Variants in DLG4 observed in about 807,000 individuals in gnomAD.
DLG4 encodes the protein discs large MAGUK scaffold protein 4.
A neutral mutation model predicts 93.8 loss-of-function variants in DLG4; 7 were observed. The observed-to-expected ratio is 0.07, with a 90% CI of 0.04 to 0.14. The LOEUF is 0.14. Among genes scored for constraint, DLG4 ranks in the 10% least tolerant of loss-of-function variants. The pLI, the probability that DLG4 is intolerant of heterozygous loss-of-function variation, is 1.00. For missense variants in DLG4, 545 were observed against 992.9 expected, an observed-to-expected ratio of 0.55 and a Z score of 6.06; for synonymous variants, 341 against 387.6, an observed-to-expected ratio of 0.88 and a Z score of 1.41.
upstream of DLG4, chr17:7,219,815 G>A (rs755170147): frequency 3.3e-6 from 5 of 1,530,720 alleles, no homozygotes; most frequent in Admixed American, 4.0e-5. Context: ...GCGGAACGCA[G>A]GGCCGGGCTC....
chr17:7,209,315 G>C (rs1387234087), intron 1 of DLG4, among the ~76,000 whole-genome samples: 2 of 152,212 alleles, frequency 1.3e-5, no homozygotes, highest in African/African-American at 4.8e-5. Context: ...GAAGAAGACA[G>C]CGTTTCTGCC....
At chr17:7,216,284 G>A (rs1300355425) in intron 1 of DLG4, among the ~76,000 whole-genome samples, 3 of 151,962 alleles carry the variant, frequency 2.0e-5, no homozygotes, top group Non-Finnish European at 4.4e-5. Context: ...GAGGAGATGG[G>A]GATATTGGGC....
At chr17:7,211,482 T>C (rs934590390) in intron 1 of DLG4, among the ~76,000 whole-genome samples, 1 of 148,020 alleles carries the variant, frequency 6.8e-6, no homozygotes, top group African/African-American at 2.5e-5. Context: ...AACATAGGGG[T>C]GTGAGTCAAA....
upstream of DLG4, chr17:7,218,856 C>T (rs776152957): frequency 4.3e-6 from 7 of 1,613,670 alleles, no homozygotes; most frequent in Admixed American, 3.3e-5. Flanking sequence ...ACATCTCTCT[C>T]TTCTCTCACT....
At chr17:7,213,059 G>A (rs1362694904) in intron 1 of DLG4, among the ~76,000 whole-genome samples, 1 of 147,392 alleles carries the variant, frequency 6.8e-6, no homozygotes, top group Non-Finnish European at 1.5e-5. Context: ...TTAATTAAAA[G>A]TATTTTCCTT....
chr17:7,201,868 C>T (rs1429145771), intron 8 of DLG4, among the ~76,000 whole-genome samples: 1 of 151,886 alleles, frequency 6.6e-6, no homozygotes, highest in Non-Finnish European at 1.5e-5. Flanking sequence ...GCAAGAAGAG[C>T]GAAACTCCAT....
At chr17:7,200,945 C>T (rs778102296) in intron 8 of DLG4, among the ~76,000 whole-genome samples, 9 of 150,878 alleles carry the variant, frequency 6.0e-5, no homozygotes, top group Non-Finnish European at 1.3e-4. Context: ...CTGCAAGCTC[C>T]GCCTCCCAGG....
upstream of DLG4, chr17:7,219,615 C>T: frequency 8.4e-7 from 1 of 1,189,414 alleles, no homozygotes; most frequent in African/African-American, 1.6e-5. Context: ...CCCTACTTTT[C>T]CCTTCTAACC....
intron 1 of DLG4, among the ~76,000 whole-genome samples, chr17:7,214,387 T>C (rs2070821769): frequency 1.3e-5 from 2 of 152,042 alleles, no homozygotes; most frequent in Admixed American, 6.6e-5. Flanking sequence ...CCTCCCTCGA[T>C]AGAGTAAGCC....
In DLG4 at chr17:7,190,309, G is replaced by C; in HGVS notation, c.*399C>G. 1 of 254,350 alleles carries C rather than the reference G, an allele frequency of 3.9e-6. No homozygotes were observed. The allele number at this position is 254,350 out of a possible 1,614,324, so 15.8% of individuals were successfully genotyped here. On this transcript the variant is annotated 3_prime_UTR_variant, in exon 20 of 20. Transcript: ENST00000399506. ...GACCCTGCCTTAGGAGAGAGCGGAGGCCTGTGGCCCTGCATCCCTGCAGCG... is the reference window on the plus strand; with the variant it reads ...GACCCTGCCTTAGGAGAGAGCGGAGCCCTGTGGCCCTGCATCCCTGCAGCG...
Position 7,196,743 on chromosome 17 carries a change from A to T in DLG4, c.1083+14T>A. On this transcript the variant is annotated intron_variant, in intron 9 of 19. Transcript: ENST00000399506. The surrounding 1 kb of genome is among the most constrained non-coding windows in gnomAD (Gnocchi z 8.3). ...GGGAGGGGGTGGTGCAGGTAGGGGC[A>T]GGCCTTCCCTCACCGACAGGATCTG... 4 of 1,596,258 alleles carry T rather than the reference A, an allele frequency of 2.5e-6. No individual in the cohort carries two copies. Among genetic ancestry groups the T allele is most frequent in the Non-Finnish European group, 3.4e-6 (4 of 1,171,352 alleles).
rs1181992872 is a variant in DLG4 at position 7,188,992 on chromosome 17, A to G, written c.*1716T>C. ...CCAGGAGTGGTGGCAGGCGCCTGTAATCCCAGCTATTCGAGAGGCTGAGGC... is the reference window on the plus strand; with the variant it reads ...CCAGGAGTGGTGGCAGGCGCCTGTAGTCCCAGCTATTCGAGAGGCTGAGGC... On this transcript the variant is annotated 3_prime_UTR_variant, in exon 20 of 20. Coordinates refer to ENST00000399506, the MANE Select transcript of DLG4 (RefSeq NM_001321075.3). Among the ~76,000 whole-genome samples, 3 of 151,820 alleles carry G rather than the reference A, an allele frequency of 2.0e-5. No homozygotes were observed. The highest frequency in any genetic ancestry group is 7.2e-5 in the African/African-American group (3 of 41,408).
upstream of DLG4, chr17:7,217,856 T>G: frequency 6.6e-7 from 1 of 1,526,348 alleles, no homozygotes; most frequent in Non-Finnish European, 8.8e-7. Flanking sequence ...GCATCTATAG[T>G]TGGGCTGGGA....
intron 8 of DLG4, 87 bp downstream of exon 8, chr17:7,202,816 G>A (rs556960138): frequency 1.3e-6 from 2 of 1,523,898 alleles, no homozygotes; most frequent in East Asian, 4.6e-5. Context: ...ATCTGAAGAG[G>A]GACAGCTACA....
intron 2 of DLG4, among the ~76,000 whole-genome samples, chr17:7,207,058 C>T (rs1451054467): frequency 2.0e-5 from 3 of 151,518 alleles, no homozygotes; most frequent in South Asian, 2.1e-4. Context: ...GAGAGGAGGA[C>T]GCTGTGAGCA....
In DLG4 at chr17:7,187,598, C is replaced by T. The variant is rs1383756998; in HGVS notation, c.*3110G>A. On this transcript the variant is annotated 3_prime_UTR_variant, in exon 20 of 20. Transcript: ENST00000399506. ...ATAATACATGCAAAATTATGTGATT[C>T]TACCCCATCCAGGTCAAATATGTGA... is the stretch of plus-strand genomic sequence containing the variant. Among the ~76,000 whole-genome samples the T allele has an allele frequency of 2.6e-5, 4 of 151,442 alleles. No individual in the cohort carries two copies. Among genetic ancestry groups the T allele is most frequent in the Non-Finnish European group, 4.4e-5 (3 of 67,926 alleles).
intron 1 of DLG4, among the ~76,000 whole-genome samples, chr17:7,211,887 G>C (rs1179923482): frequency 6.7e-6 from 1 of 149,988 alleles, no homozygotes; most frequent in Non-Finnish European, 1.5e-5. Flanking sequence ...AGAGAGGGGT[G>C]AGGGGAGACC....
chr17:7,203,417 T>TTAC lies in DLG4; in HGVS notation c.505+4_505+6dup. 6.3e-7 allele frequency: 1 copy of TTAC among 1,599,930 alleles called. No individual in the cohort carries two copies. Among genetic ancestry groups the TTAC allele is most frequent in the Non-Finnish European group, 8.6e-7 (1 of 1,168,570 alleles). ...GGGATGGGGGTGGGAACAAAATGAGTTACTACCTTTAGGCCCCTTGATGAG... is the reference window on the plus strand; with the variant it reads ...GGGATGGGGGTGGGAACAAAATGAGTTACTACTACCTTTAGGCCCCTTGATGAG... On this transcript the variant is annotated splice_region_variant and intron_variant, in intron 6 of 19. Coordinates refer to ENST00000399506, the MANE Select transcript of DLG4 (RefSeq NM_001321075.3). The surrounding 1 kb of genome is among the most constrained non-coding windows in gnomAD (Gnocchi z 7.2).
chr17:7,187,340 G>A lies in DLG4; in HGVS notation c.*3368C>T, dbSNP rs531832617. 3.6e-4 allele frequency among the ~76,000 whole-genome samples: 49 copies of A among 137,592 alleles called. No homozygotes were observed. The highest frequency in any genetic ancestry group is 4.0e-3 in the Middle Eastern group (1 of 250). The allele number at this position is 137,592 out of a possible 152,430, so 90.3% of individuals were successfully genotyped here. ...GGGGGTGGATCACCCGAGGTCAGGAGTTCGAGACCAGCCTGATCAATATGG... is the reference window on the plus strand; with the variant it reads ...GGGGGTGGATCACCCGAGGTCAGGAATTCGAGACCAGCCTGATCAATATGG... On this transcript the variant is annotated 3_prime_UTR_variant, in exon 20 of 20. Coordinates refer to ENST00000399506, the MANE Select transcript of DLG4 (RefSeq NM_001321075.3).
Sources: allele counts gnomAD v4.1 joint callset (sites outside exome capture counted in the v4.1 genomes callset), GRCh38; gene constraint gnomAD v4.1.1; non-coding constraint Gnocchi (gnomAD v3.1); transcripts MANE v1.5; gene names NCBI Gene and HGNC (gene_info 2026-07-23, HGNC 2026-07-21).